The following ENOPH1 variants were observed in gnomAD, a reference collection of about 807,000 sequenced individuals.
ENOPH1 encodes the protein enolase-phosphatase E1.
Under a neutral mutation model 31.1 loss-of-function variants are expected in ENOPH1, and 14 were observed. That is an observed-to-expected ratio of 0.45 (90% CI 0.30 to 0.70). The LOEUF is 0.70. Among genes scored for constraint, ENOPH1 ranks in the 30% least tolerant of loss-of-function variants. ENOPH1 has a pLI of 0.09. For missense variants in ENOPH1, 243 were observed against 321.5 expected, an observed-to-expected ratio of 0.76 and a Z score of 1.87; for synonymous variants, 127 against 123.2, an observed-to-expected ratio of 1.03 and a Z score of -0.21.
chr4:82,437,692 T>A (rs776866616), intron 1 of ENOPH1, among the ~76,000 whole-genome samples: 2 of 152,262 alleles, frequency 1.3e-5, no homozygotes, highest in African/African-American at 2.4e-5. Flanking sequence ...TAGTATTTGC[T>A]ACTGGAGCCA....
intron 1 of ENOPH1, among the ~76,000 whole-genome samples, chr4:82,440,712 C>T (rs930764587): frequency 6.6e-6 from 1 of 152,206 alleles, no homozygotes; most frequent in African/African-American, 2.4e-5. Context: ...ATCCCTTGTT[C>T]AGTGTGATTC....
chr4:82,445,602 G>A (rs1025260029), intron 1 of ENOPH1, among the ~76,000 whole-genome samples: 1 of 152,110 alleles, frequency 6.6e-6, no homozygotes, highest in African/African-American at 2.4e-5. Flanking sequence ...GACCACAGAT[G>A]TGCATCACCA....
Position 82,430,871 on chromosome 4 carries a change from G to A in ENOPH1, c.42G>A (p.Leu14=), listed in dbSNP as rs543644558. The A allele has an allele frequency of 1.2e-6, 2 of 1,614,112 alleles. No homozygotes were observed. Among genetic ancestry groups the A allele is most frequent in the Non-Finnish European group, 1.7e-6 (2 of 1,180,026 alleles). Residue 14 remains leucine, a synonymous_variant, in exon 1 of 6, where the codon CTG becomes CTA. Coordinates refer to ENST00000273920, the MANE Select transcript of ENOPH1 (RefSeq NM_021204.5). ...TCCCCGCCGAAGTCACCGTGATCCT[G>A]TTAGATATCGAAGGTACCACAACCC... The part of the protein sequence containing the change: ...LSVPAEVTVI[L]LDIEGTTTPI...
intron 2 of ENOPH1, among the ~76,000 whole-genome samples, chr4:82,449,000 G>A (rs572743085): frequency 1.2e-4 from 17 of 145,768 alleles, no homozygotes; most frequent in Middle Eastern, 7.5e-3. Flanking sequence ...GGAGCTTGCA[G>A]TGAGCCGAGA....
At chr4:82,457,371 G>A (rs1318545109) in intron 5 of ENOPH1, among the ~76,000 whole-genome samples, 1 of 152,126 alleles carries the variant, frequency 6.6e-6, no homozygotes, top group African/African-American at 2.4e-5. Flanking sequence ...AAAGTTAGTT[G>A]GGTATGATGG....
At chr4:82,449,425 A>G (rs1272551667) in intron 2 of ENOPH1, among the ~76,000 whole-genome samples, 1 of 152,234 alleles carries the variant, frequency 6.6e-6, no homozygotes, top group Non-Finnish European at 1.5e-5. Context: ...ACATAGCGGC[A>G]TCTGCTTCTG....
chr4:82,433,106 T>G (rs1394385602), intron 1 of ENOPH1, among the ~76,000 whole-genome samples: 1 of 152,262 alleles, frequency 6.6e-6, no homozygotes, highest in Non-Finnish European at 1.5e-5. Flanking sequence ...TCTTGCTTTC[T>G]GCGGTCATCA....
At chr4:82,445,084 A>G (rs183735203) in intron 1 of ENOPH1, among the ~76,000 whole-genome samples, 4 of 152,238 alleles carry the variant, frequency 2.6e-5, no homozygotes, top group East Asian at 1.9e-4. Flanking sequence ...TAGCAAGGCT[A>G]ATTACAGGTG....
At position 82,430,607 on chromosome 4, in the gene ENOPH1, C is replaced by G; in HGVS notation, c.-223C>G. On this transcript the variant is annotated 5_prime_UTR_variant, in exon 1 of 6. Transcript: ENST00000273920. ...CCCACGTGGTCTCGGGCTCCTGCCC[C>G]GTCCTGCTCACGAGTTCAGGGCTCC... The G allele has an allele frequency of 3.6e-6, 2 of 550,838 alleles. No homozygotes were observed. Among genetic ancestry groups the G allele is most frequent in the South Asian group, 2.2e-5 (1 of 45,268 alleles). 34.1% of individuals were successfully genotyped at this position (550,838 alleles called of 1,614,324 possible).
At chr4:82,437,993 T>C (rs1170306806) in intron 1 of ENOPH1, among the ~76,000 whole-genome samples, 1 of 152,204 alleles carries the variant, frequency 6.6e-6, no homozygotes, top group Non-Finnish European at 1.5e-5. Context: ...GACTCAACAT[T>C]TCCAAAACCT....
intron 1 of ENOPH1, among the ~76,000 whole-genome samples, chr4:82,441,075 T>C (rs1722027545): frequency 6.6e-6 from 1 of 152,226 alleles, no homozygotes; most frequent in Non-Finnish European, 1.5e-5. Context: ...GCAGATGGCA[T>C]GGACCACTCC....
At chr4:82,437,473 C>G (rs1043957283) in intron 1 of ENOPH1, among the ~76,000 whole-genome samples, 2 of 152,172 alleles carry the variant, frequency 1.3e-5, no homozygotes, top group Non-Finnish European at 2.9e-5. Flanking sequence ...CCCTTTCTTG[C>G]TGCCACCATT....
intron 2 of ENOPH1, 105 bp downstream of exon 2, chr4:82,448,126 T>G: frequency 4.3e-6 from 3 of 695,926 alleles, no homozygotes; most frequent in Middle Eastern, 2.5e-4. Context: ...CCTGGTTTGA[T>G]AGGGGATAGA....
intron 4 of ENOPH1, among the ~76,000 whole-genome samples, chr4:82,455,444 A>G (rs933346480): frequency 6.6e-6 from 1 of 152,214 alleles, no homozygotes; most frequent in African/African-American, 2.4e-5. Flanking sequence ...AACTTAAAAT[A>G]GGTTACTTAC....
chr4:82,455,241 A>G (rs1309540309), intron 4 of ENOPH1, among the ~76,000 whole-genome samples: 1 of 152,228 alleles, frequency 6.6e-6, no homozygotes, highest in African/African-American at 2.4e-5. Context: ...TTTTAAATGT[A>G]ATAAGGTCGT....
At chr4:82,434,573 G>T (rs1382352998) in intron 1 of ENOPH1, among the ~76,000 whole-genome samples, 2 of 152,236 alleles carry the variant, frequency 1.3e-5, no homozygotes, top group African/African-American at 4.8e-5. Context: ...AATTAGCCGG[G>T]CATGGTGGTG....
Position 82,454,837 on chromosome 4 carries a change from G to C in ENOPH1, c.505G>C (p.Glu169Gln), listed in dbSNP as rs1227871041. 1 of 1,612,854 alleles carries C rather than the reference G, an allele frequency of 6.2e-7. No homozygotes were observed. The highest frequency in any genetic ancestry group is 2.2e-5 in the East Asian group (1 of 44,840). ...AQKLLFGHST[E>Q]GDILELVDGH... ...GAAACTGTTATTCGGGCATTCTACG[G>C]AGGGAGATATTCTTGAGGTAGGTTA... Residue 169 changes from glutamate to glutamine, a missense_variant, in exon 4 of 6, where the codon GAG becomes CAG. By Grantham distance (29) the Glu-to-Gln change is conservative. Coordinates refer to ENST00000273920, the MANE Select transcript of ENOPH1 (RefSeq NM_021204.5).
In ENOPH1 at chr4:82,457,025, A is replaced by G. The variant is rs749698656; in HGVS notation, c.633A>G (p.Thr211=). Residue 211 remains threonine (T), a synonymous_variant, in exon 5 of 6, where the codon ACA becomes ACG. Transcript: ENST00000273920. ...GCSTNNILFL[T]DVTREASAAE... is the part of the protein sequence containing the mutation. ...CAACCAACAACATTTTGTTTCTGAC[A>G]GATGTTACTCGAGGTGAGTAATAGA... is the stretch of plus-strand genomic sequence containing the variant. 1 of 1,613,992 alleles carries G rather than the reference A, an allele frequency of 6.2e-7. No individual in the cohort carries two copies. The highest frequency in any genetic ancestry group is 1.3e-5 in the African/African-American group (1 of 75,058).
At chr4:82,454,913 T>A (rs1393186626) in intron 4 of ENOPH1, 59 bp downstream of exon 4, 3 of 1,527,456 alleles carry the variant, frequency 2.0e-6, no homozygotes, top group African/African-American at 2.8e-5. Context: ...ATAATGAATC[T>A]TAATGGAAAA....
Sources: gnomAD v4.1 joint callset for allele counts (sites outside exome capture counted in the v4.1 genomes callset) on GRCh38, gnomAD v4.1.1 for gene constraint, MANE v1.5 for transcripts, NCBI Gene and HGNC (gene_info 2026-07-23, HGNC 2026-07-21) for gene names.